The following LSAMP variants were observed in gnomAD, a reference collection of about 807,000 sequenced individuals.
The protein encoded by LSAMP is limbic system associated membrane protein, also known as limbic system-associated membrane protein.
Under a neutral mutation model 38.6 loss-of-function variants are expected in LSAMP, and 7 were observed. The observed-to-expected ratio is 0.18, with a 90% CI of 0.10 to 0.34. LSAMP has a LOEUF of 0.34. LSAMP is among the 10% of genes least tolerant of loss of function. The pLI is 1.00. For missense variants in LSAMP, 313 were observed against 420.0 expected (o/e 0.75, Z 2.23); for synonymous variants, 154 against 166.8 (o/e 0.92, Z 0.59).
chr3:116,320,740 A>G (rs1376553774), intron 1 of LSAMP, among the ~76,000 whole-genome samples: 1 of 152,170 alleles, frequency 6.6e-6, no homozygotes, highest in South Asian at 2.1e-4. Context: ...CTCACCATTT[A>G]TAGCCCAAAC....
chr3:116,174,628 C>T (rs189867393), intron 1 of LSAMP, among the ~76,000 whole-genome samples: 13 of 152,032 alleles, frequency 8.6e-5, no homozygotes, highest in Admixed American at 8.5e-4. Flanking sequence ...TTCACTTCAA[C>T]CAGAAGACTA....
chr3:116,421,636 A>G (rs753347992), intron 1 of LSAMP, among the ~76,000 whole-genome samples: 2 of 152,218 alleles, frequency 1.3e-5, no homozygotes, highest in Non-Finnish European at 2.9e-5. Flanking sequence ...TTTGAATAAC[A>G]CATTACAAAA....
chr3:115,979,312 G>C (rs754669445), intron 3 of LSAMP, among the ~76,000 whole-genome samples: 2 of 152,058 alleles, frequency 1.3e-5, no homozygotes, highest in Non-Finnish European at 2.9e-5. Context: ...GAGGAGAAAA[G>C]GAAAGGTGAA....
chr3:116,278,302 G>T (rs2047080987), intron 1 of LSAMP, among the ~76,000 whole-genome samples: 1 of 151,662 alleles, frequency 6.6e-6, no homozygotes, highest in African/African-American at 2.4e-5. Context: ...CAATAATTCG[G>T]CTCCTAGATT....
At chr3:116,164,760 A>ATATATTTTT (rs374542146) in intron 1 of LSAMP, among the ~76,000 whole-genome samples, 4 of 91,644 alleles carry the variant, frequency 4.4e-5, no homozygotes, top group African/African-American at 1.0e-4. Flanking sequence ...ATATATATAT[A>ATATATTTTT]TTTTTTTTTT....
chr3:116,350,837 G>A (rs1432547972), intron 1 of LSAMP, among the ~76,000 whole-genome samples: 1 of 151,976 alleles, frequency 6.6e-6, no homozygotes, highest in Non-Finnish European at 1.5e-5. Flanking sequence ...AAGGATAAAA[G>A]AAATCCGTGC....
chr3:115,919,635 G>T (rs776678311), intron 3 of LSAMP, among the ~76,000 whole-genome samples: 7 of 152,016 alleles, frequency 4.6e-5, no homozygotes, highest in Non-Finnish European at 7.4e-5. Flanking sequence ...TTTTTGAGAC[G>T]GAGTCTTGCT....
chr3:115,842,618 G>A (rs1273237512), intron 4 of LSAMP, 40 bp from the exon 5 acceptor site: 1 of 1,607,910 alleles, frequency 6.2e-7, no homozygotes, highest in South Asian at 1.1e-5. Context: ...ATGAGGGTCG[G>A]GGTGCTTAGA....
At position 116,141,104 on chromosome 3, in the gene LSAMP, C is replaced by T. The variant is rs891257086; in HGVS notation, c.156-54548G>A. On this transcript the variant is annotated intron_variant, in intron 1 of 6. Coordinates refer to ENST00000490035, the MANE Select transcript of LSAMP (RefSeq NM_002338.5). ...GATGACTTAAGGCCTATTCCTTCCA[C>T]TAAAAATGTCTCATCTGCATTGACT... 4.6e-5 allele frequency among the ~76,000 whole-genome samples: 7 copies of T among 151,996 alleles called. No individual in the cohort carries two copies. In the East Asian group the frequency reaches 9.7e-4, roughly 21 times the overall value.
chr3:116,001,148 C>A (rs1939979047), intron 3 of LSAMP, among the ~76,000 whole-genome samples: 1 of 151,600 alleles, frequency 6.6e-6, no homozygotes, highest in Non-Finnish European at 1.5e-5. Context: ...CGAGGCAGTG[C>A]AAGTTCCTAA....
intron 1 of LSAMP, among the ~76,000 whole-genome samples, chr3:116,313,597 T>G (rs893665244): frequency 6.6e-6 from 1 of 152,180 alleles, no homozygotes; most frequent in Admixed American, 6.5e-5. Context: ...AGGTCAAGGT[T>G]GGTTCATAGG....
intron 2 of LSAMP, among the ~76,000 whole-genome samples, chr3:116,027,376 G>A (rs185494723): frequency 6.6e-6 from 1 of 152,232 alleles, no homozygotes; most frequent in Admixed American, 6.5e-5. Context: ...TTATTATTTG[G>A]ATATCCAGAG....
At chr3:116,122,821 C>T (rs1288041303) in intron 1 of LSAMP, among the ~76,000 whole-genome samples, 1 of 152,206 alleles carries the variant, frequency 6.6e-6, no homozygotes, top group Non-Finnish European at 1.5e-5. Context: ...CTTTCACTCA[C>T]ATTATCACAG....
intron 1 of LSAMP, among the ~76,000 whole-genome samples, chr3:116,090,634 G>A (rs150152078): frequency 6.0e-4 from 91 of 152,230 alleles, no homozygotes; most frequent in African/African-American, 1.4e-3. Flanking sequence ...TTTCCTAAGC[G>A]TCGGCTGGCT....
chr3:115,955,624 G>A (rs1304381293), intron 3 of LSAMP, among the ~76,000 whole-genome samples: 3 of 152,042 alleles, frequency 2.0e-5, no homozygotes, highest in South Asian at 4.1e-4. Context: ...GTAAAGAAGG[G>A]TCTGCTAGCC....
intron 2 of LSAMP, among the ~76,000 whole-genome samples, chr3:116,021,571 A>G (rs2107690145): frequency 6.6e-6 from 1 of 152,306 alleles, no homozygotes; most frequent in South Asian, 2.1e-4. Flanking sequence ...ACAATCCAAA[A>G]CCTATCATAG....
At chr3:116,127,261 C>T (rs1291874658) in intron 1 of LSAMP, among the ~76,000 whole-genome samples, 1 of 152,130 alleles carries the variant, frequency 6.6e-6, no homozygotes, top group Non-Finnish European at 1.5e-5. Flanking sequence ...TATGTAGTGA[C>T]TGATCTGATT....
intron 1 of LSAMP, among the ~76,000 whole-genome samples, chr3:116,231,053 A>G (rs994811206): frequency 1.3e-4 from 20 of 152,162 alleles, no homozygotes; most frequent in African/African-American, 4.8e-4. Flanking sequence ...CAAAGAAGCT[A>G]TACTTTCTCT....
intron 1 of LSAMP, among the ~76,000 whole-genome samples, chr3:116,172,438 A>G (rs967260780): frequency 1.3e-5 from 2 of 151,568 alleles, no homozygotes; most frequent in Non-Finnish European, 2.9e-5. Context: ...GAGAATATCT[A>G]TAGACGCTCA....
Sources: allele counts gnomAD v4.1 joint callset (sites outside exome capture counted in the v4.1 genomes callset), GRCh38; gene constraint gnomAD v4.1.1; transcripts MANE v1.5; gene names NCBI Gene and HGNC (gene_info 2026-07-23, HGNC 2026-07-21).